Variants in ELMOD2 observed in about 807,000 individuals in gnomAD.
ELMOD2 encodes the protein ELMO domain-containing protein 2.
A neutral mutation model predicts 41.0 loss-of-function variants in ELMOD2; 28 were observed. The ratio of observed to expected loss-of-function variants is 0.68; its 90% CI spans 0.51 to 0.94. The LOEUF (loss-of-function observed/expected upper bound fraction) is 0.94, where lower values mean the gene tolerates loss of function less well. ELMOD2 is among the 40% of genes least tolerant of loss of function. ELMOD2 has a pLI of 0.00. For synonymous variants in ELMOD2, 106 were observed against 107.2 expected (o/e 0.99, Z 0.07); for missense variants, 333 against 343.1 (o/e 0.97, Z 0.23).
intron 3 of ELMOD2, among the ~76,000 whole-genome samples, chr4:140,529,788 C>T (rs1337450649): frequency 6.6e-6 from 1 of 152,146 alleles, no homozygotes; most frequent in Non-Finnish European, 1.5e-5. Flanking sequence ...TGAGATTTTC[C>T]ATGACCATTC....
intron 2 of ELMOD2, among the ~76,000 whole-genome samples, chr4:140,527,011 G>A (rs1051125631): frequency 1.2e-4 from 18 of 152,184 alleles, no homozygotes; most frequent in Admixed American, 3.9e-4. Context: ...CAGAAGGGTT[G>A]ACCAGATAAT....
At chr4:140,543,414 T>C (rs772186748) in intron 7 of ELMOD2, 39 bp from the exon 8 acceptor site, 10 of 1,564,514 alleles carry the variant, frequency 6.4e-6, no homozygotes, top group Non-Finnish European at 7.7e-6. Flanking sequence ...TTATGAGTTA[T>C]TTGGCTAGCT....
At position 140,525,499 on chromosome 4, in the gene ELMOD2, A is replaced by T. The variant is rs762779518; in HGVS notation, c.71A>T (p.Gln24Leu). The change falls in exon 2 of 9, where the codon CAG becomes CTG. Residue 24 changes from glutamine to leucine, a missense_variant. Coordinates refer to ENST00000323570, the MANE Select transcript of ELMOD2 (RefSeq NM_153702.4). The stretch of plus-strand genomic sequence containing the variant: ...TTTTGGATGAAATGGCTATTACGAC[A>T]GATGACTGGGAAGTGTGAATTGCAG... ...FRFWMKWLLR[Q>L]MTGKCELQRI... is the part of the protein sequence containing the mutation. The T allele has an allele frequency of 6.2e-7, 1 of 1,614,072 alleles. No homozygotes were observed. Among genetic ancestry groups the T allele is most frequent in the Non-Finnish European group, 8.5e-7 (1 of 1,179,966 alleles).
At chr4:140,533,534 A>C (rs1167507921) in intron 3 of ELMOD2, among the ~76,000 whole-genome samples, 1 of 152,216 alleles carries the variant, frequency 6.6e-6, no homozygotes, top group East Asian at 1.9e-4. Context: ...CCTATGTTTA[A>C]GCTAAAACTT....
rs1252294935 is a variant in ELMOD2 at position 140,551,423 on chromosome 4, G to A, written c.*1048G>A. On this transcript the variant is annotated 3_prime_UTR_variant, in exon 9 of 9. Coordinates refer to ENST00000323570, the MANE Select transcript of ELMOD2 (RefSeq NM_153702.4). ...TGAACTTTATGTTAATGGTTTGTGG[G>A]ATACTAAAATAGCTTGAAGATGACT... 2 of 151,960 alleles carry A rather than the reference G, an allele frequency of 1.3e-5. No individual in the cohort carries two copies. Among genetic ancestry groups the A allele is most frequent in the African/African-American group, 4.8e-5 (2 of 41,412 alleles). 9.4% of individuals were successfully genotyped at this position (151,960 alleles called of 1,614,324 possible). A position where few individuals can be genotyped will look rare whatever the true frequency, so the allele number is the denominator to read the frequency against.
At chr4:140,526,986 C>T (rs146709530) in intron 2 of ELMOD2, among the ~76,000 whole-genome samples, 2 of 152,284 alleles carry the variant, frequency 1.3e-5, no homozygotes, top group African/African-American at 4.8e-5. Flanking sequence ...AATGGAGAAG[C>T]TATTTGTCTG....
chr4:140,547,883 GA>G (rs1222399274), intron 8 of ELMOD2, among the ~76,000 whole-genome samples: 61 of 152,246 alleles, frequency 4.0e-4, no homozygotes, highest in African/African-American at 1.4e-3. Context: ...GTGCATCATG[GA>G]AAACAGCTCT....
intron 5 of ELMOD2, among the ~76,000 whole-genome samples, chr4:140,539,340 A>C (rs1347559741): frequency 6.6e-6 from 1 of 151,760 alleles, no homozygotes; most frequent in African/African-American, 2.4e-5. Flanking sequence ...ATTGGTATGT[A>C]ATATTTGATA....
At chr4:140,524,525 C>T in intron 1 of ELMOD2, 1 of 912,576 alleles carries the variant, frequency 1.1e-6, no homozygotes. Context: ...CAGTTCTGCG[C>T]TTTTGTCCTA....
chr4:140,539,146 T>C (rs17006098), intron 5 of ELMOD2, among the ~76,000 whole-genome samples: 2,531 of 152,282 alleles, frequency 0.017, 65 homozygotes, highest in African/African-American at 0.056. Context: ...GAATACTCCT[T>C]TCATTAGGGG....
intron 8 of ELMOD2, among the ~76,000 whole-genome samples, chr4:140,547,193 C>T (rs763163596): frequency 1.3e-5 from 2 of 152,162 alleles, no homozygotes; most frequent in Non-Finnish European, 1.5e-5. Context: ...GTCATAGTTT[C>T]TCTCCAGAAG....
At chr4:140,544,674 T>C (rs533791877) in intron 8 of ELMOD2, among the ~76,000 whole-genome samples, 1 of 152,164 alleles carries the variant, frequency 6.6e-6, no homozygotes, top group African/African-American at 2.4e-5. Flanking sequence ...CCACAGACTC[T>C]ATAGTGGAGG....
In ELMOD2 at chr4:140,548,017, T is replaced by C. The variant is rs186839893; in HGVS notation, c.737-2213T>C. 3.2e-3 allele frequency among the ~76,000 whole-genome samples: 486 copies of C among 152,298 alleles called. 4 individuals carry two copies. The highest frequency in any genetic ancestry group is 5.6e-3 in the Non-Finnish European group (381 of 68,014). ...TCACATTAAATCACTTTAGCTATTA[T>C]AGTCTCCGTTCTTCAAGTTAGTCTT... On this transcript the variant is annotated intron_variant, in intron 8 of 8. Transcript: ENST00000323570.
chr4:140,543,416 T>G (rs775674090), intron 7 of ELMOD2, 37 bp from the exon 8 acceptor site: 7 of 1,563,526 alleles, frequency 4.5e-6, no homozygotes, highest in Non-Finnish European at 6.0e-6. Flanking sequence ...ATGAGTTATT[T>G]GGCTAGCTGG....
rs907271940 is a variant in ELMOD2 at position 140,553,048 on chromosome 4, T to C, written c.*2673T>C. The C allele has an allele frequency of 6.6e-6, 1 of 152,180 alleles. No individual in the cohort carries two copies. Among genetic ancestry groups the C allele is most frequent in the African/African-American group, 2.4e-5 (1 of 41,458 alleles). 9.4% of individuals were successfully genotyped at this position (152,180 alleles called of 1,614,324 possible). On this transcript the variant is annotated 3_prime_UTR_variant, in exon 9 of 9. Coordinates refer to ENST00000323570, the MANE Select transcript of ELMOD2 (RefSeq NM_153702.4). ...CCATCTGATTTCTATTTTTAGGAGC[T>C]ACTTGGATTTGTATGTATTTTTTCT...
Position 140,550,333 on chromosome 4 carries a change from A to G in ELMOD2, c.840A>G (p.Gly280=), listed in dbSNP as rs1284883513. Residue 280 remains glycine, a synonymous_variant, in exon 9 of 9, where the codon GGA becomes GGG. Coordinates refer to ENST00000323570, the MANE Select transcript of ELMOD2 (RefSeq NM_153702.4). ...YREKFHEKIK[G]LLLDCNVALT... is the part of the protein sequence containing the mutation. ...AGAAGTTTCATGAAAAGATTAAAGG[A>G]CTTTTACTGGATTGTAATGTAGCAC... 1.2e-6 allele frequency: 2 copies of G among 1,610,890 alleles called. No individual in the cohort carries two copies. The highest frequency in any genetic ancestry group is 1.7e-6 in the Non-Finnish European group (2 of 1,178,332).
intron 3 of ELMOD2, 62 bp from the exon 4 acceptor site, chr4:140,535,671 A>G: frequency 1.4e-6 from 2 of 1,443,192 alleles, no homozygotes; most frequent in Middle Eastern, 2.1e-4. Flanking sequence ...TAAATGTCTC[A>G]CAACTATGTC....
At chr4:140,534,819 A>G (rs1222495602) in intron 3 of ELMOD2, among the ~76,000 whole-genome samples, 1 of 152,212 alleles carries the variant, frequency 6.6e-6, no homozygotes, top group Non-Finnish European at 1.5e-5. Context: ...TAACTGAAGT[A>G]TGACTGTGAA....
chr4:140,547,869 A>C (rs1297285366), intron 8 of ELMOD2, among the ~76,000 whole-genome samples: 1 of 152,180 alleles, frequency 6.6e-6, no homozygotes, highest in Non-Finnish European at 1.5e-5. Flanking sequence ...AAAGGACAAA[A>C]TATGTGCATC....
Sources: allele counts gnomAD v4.1 joint callset (sites outside exome capture counted in the v4.1 genomes callset), GRCh38; gene constraint gnomAD v4.1.1; transcripts MANE v1.5; gene names NCBI Gene and HGNC (gene_info 2026-07-23, HGNC 2026-07-21).